The following APOBR variants were observed in gnomAD, a reference collection of about 807,000 sequenced individuals.
APOBR encodes the protein apolipoprotein B receptor, also known as apoB-48R.
In APOBR, 57 loss-of-function variants were observed where a neutral mutation model predicts 88.5. The observed-to-expected ratio is 0.64, with a 90% CI of 0.52 to 0.80. The LOEUF is 0.80. Ranked by LOEUF, APOBR falls within the 30% of genes least tolerant of loss-of-function variation. The pLI, the probability that APOBR is intolerant of heterozygous loss-of-function variation, is 0.00. For missense variants in APOBR, 1,443 were observed against 1,401.6 expected (o/e 1.03, Z -0.47); for synonymous variants, 588 against 572.7 (o/e 1.03, Z -0.38).
rs2046380475 is a variant in APOBR, at chr16:28,495,323, C to T, written c.282C>T (p.Ser94=). 2.6e-6 allele frequency: 4 copies of T among 1,546,414 alleles called. No individual in the cohort carries two copies. Among genetic ancestry groups the T allele is most frequent in the Non-Finnish European group, 3.5e-6 (4 of 1,146,248 alleles). The change falls in exon 2 of 4, where the codon AGC becomes AGT. Residue 94 remains serine, a synonymous_variant. Coordinates refer to ENST00000564831, the MANE Select transcript of APOBR (RefSeq NM_018690.4). ...ATGACAGAAGACATGAAGTGGGGAG[C>T]TCAGCTGTAGAACAGACCTGGGGCT... is the stretch of plus-strand genomic sequence containing the variant. ...PGDDRRHEVG[S]SAVEQTWGWG...
Position 28,495,475 on chromosome 16 carries a change from G to T in APOBR, c.434G>T (p.Gly145Val). ...GAGGCCAGAAAGAAATCCAAGGCAG[G>T]GTCTGGGGCTTGCCAAGACAGGAGC... ...HLEARKKSKA[G>V]SGACQDRSGQ... The change falls in exon 2 of 4, where the codon GGG becomes GTG. Residue 145 changes from glycine to valine, a missense_variant. By Grantham distance (109) the Gly-to-Val change is moderately radical. Transcript: ENST00000564831. 1 of 1,564,350 alleles carries T rather than the reference G, an allele frequency of 6.4e-7. No homozygotes were observed. Among genetic ancestry groups the T allele is most frequent in the South Asian group, 1.2e-5 (1 of 84,866 alleles).
At position 28,495,169 on chromosome 16, in the gene APOBR, C is replaced by T. The variant is rs1385720082; in HGVS notation, c.128C>T (p.Ala43Val). The T allele has an allele frequency of 3.8e-5, 59 of 1,569,428 alleles. No homozygotes were observed. Among genetic ancestry groups the T allele is most frequent in the African/African-American group, 2.0e-4 (15 of 73,338 alleles). Residue 43 changes from alanine to valine, a missense_variant, in exon 2 of 4, where the codon GCG (alanine) becomes GTG (valine). Ala to Val is a moderately conservative substitution (Grantham distance 64). Transcript: ENST00000564831. ...AVPTVEREAQ[A>V]AEELGVVAVG... ...CCCACTGTAGAGCGGGAGGCGCAGGCGGCTGAGGAACTGGGGGTGGTGGCG... is the reference window on the plus strand; with the variant it reads ...CCCACTGTAGAGCGGGAGGCGCAGGTGGCTGAGGAACTGGGGGTGGTGGCG...
Position 28,498,311 on chromosome 16 carries a change from G to A in APOBR, c.3186G>A (p.Gly1062=). 6.2e-7 allele frequency: 1 copy of A among 1,600,644 alleles called. No individual in the cohort carries two copies. The highest frequency in any genetic ancestry group is 8.5e-7 in the Non-Finnish European group (1 of 1,173,646). ...PLEPSPLRHD[G]TPVPARRRPL... is the part of the protein sequence containing the mutation. ...AGCCAAGCCCTCTGAGGCATGATGG[G>A]ACCCCGGTGCCAGCCAGGAGAAGGC... Residue 1062 remains glycine, a synonymous_variant, in exon 3 of 4, where the codon GGG becomes GGA. Coordinates refer to ENST00000564831, the MANE Select transcript of APOBR (RefSeq NM_018690.4).
At position 28,496,692 on chromosome 16, in the gene APOBR, T is replaced by C. The variant is rs1210207696; in HGVS notation, c.1651T>C (p.Trp551Arg). 2.5e-6 allele frequency: 4 copies of C among 1,604,386 alleles called. No homozygotes were observed. The South Asian group carries it at 4.5e-5, about 18-fold the overall frequency. The change falls in exon 2 of 4, where the codon TGG becomes CGG. Residue 551 changes from tryptophan (W) to arginine (R), a missense_variant. By Grantham distance (101) the Trp-to-Arg change is moderately radical (BLOSUM62 -3). Transcript: ENST00000564831. The part of the protein sequence containing the change: ...QTSCGLLGVE[W>R]GGLTHSVTKG... ...TAGCTGTGGCCTACTGGGCGTGGAA[T>C]GGGGTGGCCTCACACACAGCGTCAC... is the stretch of plus-strand genomic sequence containing the variant.
chr16:28,495,687 A>G lies in APOBR; in HGVS notation c.646A>G (p.Lys216Glu), dbSNP rs777532535. ...GGGGAAGGCTGGTGCTGTTGGGCCA[A>G]AGGCGGCAGGGGACAACCGGGAGAT... is the stretch of plus-strand genomic sequence containing the variant. ...TEGKAGAVGP[K>E]AAGDNREMEQ... is the part of the protein sequence containing the mutation. Residue 216 changes from lysine to glutamate, a missense_variant, in exon 2 of 4, where the codon AAG (lysine) becomes GAG (glutamate). Lys to Glu is a moderately conservative substitution (Grantham distance 56). Coordinates refer to ENST00000564831, the MANE Select transcript of APOBR (RefSeq NM_018690.4). The G allele has an allele frequency of 3.3e-6, 5 of 1,535,170 alleles. No individual in the cohort carries two copies. The highest frequency in any genetic ancestry group is 3.5e-6 in the Non-Finnish European group (4 of 1,137,966).
rs1161333809 is a variant in APOBR, at chr16:28,494,672, GAC to G, written c.-8_-7del. The G allele has an allele frequency of 5.6e-6, 9 of 1,611,574 alleles. No individual in the cohort carries two copies. In the South Asian group the frequency reaches 9.9e-5, roughly 18 times the overall value. ...TCAGCTTTCTGGACACACAGACAGA[GAC>G]AGACAGGATGGACTTCCTCCGGCTA... On this transcript the variant is annotated 5_prime_UTR_variant, in exon 1 of 4. Transcript: ENST00000564831.
At position 28,497,613 on chromosome 16, in the gene APOBR, G is replaced by A. The variant is rs541076913; in HGVS notation, c.2572G>A (p.Ala858Thr). The change falls in exon 2 of 4, where the codon GCG becomes ACG. Residue 858 changes from alanine (A) to threonine (T), a missense_variant. By Grantham distance (58) the Ala-to-Thr change is moderately conservative (BLOSUM62 0). Coordinates refer to ENST00000564831, the MANE Select transcript of APOBR (RefSeq NM_018690.4). ...AGAGGACAGCTGTGGGCTGGATCCC[G>A]CGGGCTCCCAGACAGCGAGGGCAGA... is the stretch of plus-strand genomic sequence containing the variant. ...GAEDSCGLDPAGSQTARAEGM... is the reference protein window; with the variant it reads ...GAEDSCGLDPTGSQTARAEGM... 117 of 1,605,690 alleles carry A rather than the reference G, an allele frequency of 7.3e-5. 1 individual carries two copies. In the Admixed American group the frequency reaches 1.4e-3, roughly 19 times the overall value.
Position 28,496,488 on chromosome 16 carries a change from G to T in APOBR, c.1447G>T (p.Ala483Ser). ...RQDLGIRADR[A>S]RMEELVQAEE... ...GGACTTGGGGATCAGGGCCGACCGG[G>T]CCAGGATGGAAGAGCTGGTACAGGC... is the stretch of plus-strand genomic sequence containing the variant. The change falls in exon 2 of 4, where the codon GCC becomes TCC. Residue 483 changes from alanine to serine, a missense_variant. Transcript: ENST00000564831. The T allele has an allele frequency of 6.2e-7, 1 of 1,602,380 alleles. No homozygotes were observed. Among genetic ancestry groups the T allele is most frequent in the East Asian group, 2.2e-5 (1 of 44,782 alleles).
At position 28,497,883 on chromosome 16, in the gene APOBR, G is replaced by A. The variant is rs756398880; in HGVS notation, c.2842G>A (p.Glu948Lys). ...CCTGGAACATGTCAGGGGCCAGGAG[G>A]AGCAGCCAACACACCAGGCCCCTGC... Reference protein sequence around the residue: ...ESLEHVRGQEEQPTHQAPAEA... With the variant: ...ESLEHVRGQEKQPTHQAPAEA... Residue 948 changes from glutamate to lysine, a missense_variant, in exon 2 of 4, where the codon GAG becomes AAG. Transcript: ENST00000564831. 5 of 1,613,266 alleles carry A rather than the reference G, an allele frequency of 3.1e-6. No individual in the cohort carries two copies. The highest frequency in any genetic ancestry group is 1.3e-5 in the African/African-American group (1 of 75,018).
In APOBR at chr16:28,496,003, C is replaced by T. The variant is rs1294318594; in HGVS notation, c.962C>T (p.Thr321Ile). 1 of 1,606,350 alleles carries T rather than the reference C, an allele frequency of 6.2e-7. No homozygotes were observed. The highest frequency in any genetic ancestry group is 8.5e-7 in the Non-Finnish European group (1 of 1,176,672). ...GCCTCAGGCGGGGAGGAGGCTGAAA[C>T]AGCCTCAGGCGGGGAGGAGGCCGGG... is the stretch of plus-strand genomic sequence containing the variant. ...ETASGGEEAE[T>I]ASGGEEAGTA... Residue 321 changes from threonine (T) to isoleucine (I), a missense_variant, in exon 2 of 4, where the codon ACA (threonine) becomes ATA (isoleucine). Thr to Ile is a moderately conservative substitution (Grantham distance 89). Transcript: ENST00000564831.
At position 28,495,869 on chromosome 16, in the gene APOBR, A is replaced by T. The variant is rs1327246535; in HGVS notation, c.828A>T (p.Gly276=). ...WGPGAEPEDW[G]ILGREEARTT... is the part of the protein sequence containing the mutation. ...CAGGGGCAGAGCCTGAGGACTGGGG[A>T]ATCTTAGGCAGAGAGGAGGCCAGGA... is the stretch of plus-strand genomic sequence containing the variant. Residue 276 remains glycine (G), a synonymous_variant, in exon 2 of 4, where the codon GGA becomes GGT. Coordinates refer to ENST00000564831, the MANE Select transcript of APOBR (RefSeq NM_018690.4). 2 of 1,610,712 alleles carry T rather than the reference A, an allele frequency of 1.2e-6. No individual in the cohort carries two copies. The highest frequency in any genetic ancestry group is 1.7e-6 in the Non-Finnish European group (2 of 1,178,640).
Position 28,497,774 on chromosome 16 carries a change from A to G in APOBR, c.2733A>G (p.Gly911=). ...GGTGTGGGGACTACCACCCTGAGGGAGAGGCACCAAGGCTCCTTGATGCAG... is the reference window on the plus strand; with the variant it reads ...GGTGTGGGGACTACCACCCTGAGGGGGAGGCACCAAGGCTCCTTGATGCAG... ...EGRCGDYHPE[G]EAPRLLDAEG... Residue 911 remains glycine (G), a synonymous_variant, in exon 2 of 4, where the codon GGA becomes GGG. Coordinates refer to ENST00000564831, the MANE Select transcript of APOBR (RefSeq NM_018690.4). 6.2e-7 allele frequency: 1 copy of G among 1,603,832 alleles called. No homozygotes were observed. Among genetic ancestry groups the G allele is most frequent in the Non-Finnish European group, 8.5e-7 (1 of 1,175,408 alleles).
chr16:28,495,114 T>G lies in APOBR; in HGVS notation c.73T>G (p.Phe25Val). Residue 25 changes from phenylalanine (F) to valine (V), a missense_variant, in exon 2 of 4, where the codon TTT becomes GTT. By Grantham distance (50) the Phe-to-Val change is conservative. Transcript: ENST00000564831. ...TTTTTCCTAGGATTCCCTCGGCACC[T>G]TTGTCTCCTACCTCCTGGGAGATGC... ...LRGALDSLGT[F>V]VSYLLGDAVP... The G allele has an allele frequency of 6.5e-7, 1 of 1,527,072 alleles. No individual in the cohort carries two copies. 94.6% of individuals were successfully genotyped at this position (1,527,072 alleles called of 1,614,324 possible).
rs745906091 is a variant in APOBR, at chr16:28,496,198, T to TCAGA, written c.1166_1169dup (p.Glu390AspfsTer27). 2 of 1,574,966 alleles carry TCAGA rather than the reference T, an allele frequency of 1.3e-6. No individual in the cohort carries two copies. Among genetic ancestry groups the TCAGA allele is most frequent in the African/African-American group, 2.7e-5 (2 of 73,194 alleles). On this transcript the variant is annotated frameshift_variant, in exon 2 of 4. Transcript: ENST00000564831. LOFTEE classifies it high-confidence loss of function. Reference sequence around the variant, plus strand: ...AAAGAGGAGGCTGACCTGCTGGGAGTCAGACAGACAGAATATGGAGCAGTC... The same window carrying TCAGA: ...AAAGAGGAGGCTGACCTGCTGGGAGTCAGACAGACAGACAGAATATGGAGCAGTC...
In APOBR at chr16:28,496,482, GACCGGGCC is replaced by G; in HGVS notation, c.1443_1450del (p.Asp481GlufsTer24). 2.5e-6 allele frequency: 4 copies of G among 1,605,072 alleles called. No homozygotes were observed. Among genetic ancestry groups the G allele is most frequent in the Non-Finnish European group, 3.4e-6 (4 of 1,175,670 alleles). On this transcript the variant is annotated frameshift_variant, in exon 2 of 4. Transcript: ENST00000564831. LOFTEE classifies it high-confidence loss of function. ...GAGGCAGGACTTGGGGATCAGGGCC[GACCGGGCC>G]AGGATGGAAGAGCTGGTACAGGCAG...
rs1411244961 is a variant in APOBR, at chr16:28,495,665, G to A, written c.624G>A (p.Gly208=). Residue 208 remains glycine (G), a synonymous_variant, in exon 2 of 4, where the codon GGG becomes GGA. Transcript: ENST00000564831. ...GGACCTGGCATGGGGAGACGGAGGG[G>A]AAGGCTGGTGCTGTTGGGCCAAAGG... ...SEWTWHGETE[G]KAGAVGPKAA... 1.9e-6 allele frequency: 3 copies of A among 1,544,136 alleles called. No homozygotes were observed. Among genetic ancestry groups the A allele is most frequent in the Non-Finnish European group, 2.6e-6 (3 of 1,142,664 alleles).
At position 28,498,074 on chromosome 16, in the gene APOBR, C is replaced by T; in HGVS notation, c.2956-7C>T. ...CCCCATGGTCCTCTGTGCCCCCTTTCCTGCAGGCCCCGCTCCCCGGGTCCC... is the reference window on the plus strand; with the variant it reads ...CCCCATGGTCCTCTGTGCCCCCTTTTCTGCAGGCCCCGCTCCCCGGGTCCC... On this transcript the variant is annotated splice_polypyrimidine_tract_variant and splice_region_variant and intron_variant, in intron 2 of 3. Transcript: ENST00000564831. 1 of 1,543,134 alleles carries T rather than the reference C, an allele frequency of 6.5e-7. No individual in the cohort carries two copies. The highest frequency in any genetic ancestry group is 1.2e-5 in the South Asian group (1 of 83,280).
chr16:28,495,207 G>A lies in APOBR; in HGVS notation c.166G>A (p.Gly56Arg). ...GGGGGTGGTGGCGGTGGGAAAGACA[G>A]GGAAGATTGTAGAGGAGGAAGCCCA... ...ELGVVAVGKT[G>R]KIVEEEAQED... The change falls in exon 2 of 4, where the codon GGG becomes AGG. Residue 56 changes from glycine (G) to arginine (R), a missense_variant. Gly to Arg is a moderately radical substitution (Grantham distance 125, BLOSUM62 -2). Coordinates refer to ENST00000564831, the MANE Select transcript of APOBR (RefSeq NM_018690.4). The A allele has an allele frequency of 1.9e-6, 3 of 1,563,942 alleles. No individual in the cohort carries two copies. Among genetic ancestry groups the A allele is most frequent in the African/African-American group, 1.4e-5 (1 of 73,360 alleles).
chr16:28,497,096 C>G lies in APOBR; in HGVS notation c.2055C>G (p.Asp685Glu). 1 of 1,599,872 alleles carries G rather than the reference C, an allele frequency of 6.3e-7. No individual in the cohort carries two copies. The highest frequency in any genetic ancestry group is 8.5e-7 in the Non-Finnish European group (1 of 1,173,676). The change falls in exon 2 of 4, where the codon GAC becomes GAG. Residue 685 changes from aspartate to glutamate, a missense_variant. Asp to Glu is a conservative substitution (Grantham distance 45). Coordinates refer to ENST00000564831, the MANE Select transcript of APOBR (RefSeq NM_018690.4). ...EAGGEGLTTQ[D>E]AGCGTEEGEA... ...GCGGGGAGGGGCTGACAACCCAGGA[C>G]GCGGGATGTGGAACTGAGGAGGGAG... is the stretch of plus-strand genomic sequence containing the variant.
Sources: allele counts gnomAD v4.1 joint callset, GRCh38; gene constraint gnomAD v4.1.1; transcripts MANE v1.5; gene names NCBI Gene and HGNC (gene_info 2026-07-23, HGNC 2026-07-21).